The following LTN1 variants were observed in gnomAD, a reference collection of about 807,000 sequenced individuals.
LTN1 encodes the protein E3 ubiquitin-protein ligase listerin.
LTN1 carries 88 observed loss-of-function variants against 201.2 expected under a neutral mutation model. The observed-to-expected ratio is 0.44, with a 90% CI of 0.37 to 0.52. LTN1 has a LOEUF of 0.52. LTN1 is among the 20% of genes least tolerant of loss of function. LTN1 has a pLI of 0.00. For synonymous variants in LTN1, 645 were observed against 713.5 expected, an observed-to-expected ratio of 0.90 and a Z score of 1.53; for missense variants, 1,752 against 2,038.7, an observed-to-expected ratio of 0.86 and a Z score of 2.71.
intron 1 of LTN1, among the ~76,000 whole-genome samples, chr21:28,988,157 C>CA (rs1555848864): frequency 0.016 from 1,522 of 96,582 alleles, 66 homozygotes; most frequent in African/African-American, 0.049. Context: ...AAAAAAAAAA[C>CA]AACAAAAAAA....
chr21:28,964,538 G>A (rs1394216347), intron 11 of LTN1: 2 of 1,468,120 alleles, frequency 1.4e-6, no homozygotes, highest in Non-Finnish European at 1.8e-6. Flanking sequence ...AAATACTTGT[G>A]TAACTTGCTT....
intron 19 of LTN1, 70 bp downstream of exon 19, chr21:28,947,394 T>C (rs1399181598): frequency 1.6e-6 from 2 of 1,261,930 alleles, no homozygotes; most frequent in African/African-American, 3.1e-5. Context: ...TGTGGTCTTA[T>C]ATATTAGAAA....
At position 28,946,210 on chromosome 21, in the gene LTN1, T is replaced by C. The variant is rs775737035; in HGVS notation, c.3565A>G (p.Ile1189Val). The change falls in exon 20 of 30, where the codon ATA becomes GTA. Residue 1189 changes from isoleucine to valine, a missense_variant. Ile to Val is a conservative substitution (Grantham distance 29). Around this residue, in one of 3 missense-constraint regions of LTN1, gnomAD observed 1,211 missense variants for 1,312.8 expected, o/e 0.92. Transcript: ENST00000361371. ...TTCCAGGATATTATGATTTTTAATATTCCATGTAATAGCTCTCCATCATCT... is the reference window on the plus strand; with the variant it reads ...TTCCAGGATATTATGATTTTTAATACTCCATGTAATAGCTCTCCATCATCT... ...SIDDGELLHG[I>V]LKIIISWKKE... 1.0e-5 allele frequency: 16 copies of C among 1,590,910 alleles called. No homozygotes were observed. The highest frequency in any genetic ancestry group is 1.3e-5 in the Non-Finnish European group (15 of 1,169,316).
At chr21:28,946,102 T>C in intron 20 of LTN1, 50 bp downstream of exon 20, 1 of 1,507,910 alleles carries the variant, frequency 6.6e-7, no homozygotes, top group South Asian at 1.2e-5. Context: ...TACGTAATCT[T>C]TGTCTGAATT....
In LTN1 at chr21:28,956,938, C is replaced by T; in HGVS notation, c.2903G>A (p.Arg968Lys). Reference protein sequence around the residue: ...RQSLPMQWLHRPLLEGRLSLN... With the variant: ...RQSLPMQWLHKPLLEGRLSLN... ...ACTCAATCTTCCCTCTAAAAGAGGT[C>T]TATGTAACCACTGTGAAAAGAATAC... The change falls in exon 16 of 30, where the codon AGA becomes AAA. Residue 968 changes from arginine to lysine, a missense_variant. This residue lies in a region of LTN1 where 1,211 missense variants were observed against 1,312.8 expected (regional missense o/e 0.92). Transcript: ENST00000361371. 1 of 1,584,958 alleles carries T rather than the reference C, an allele frequency of 6.3e-7. No homozygotes were observed. Among genetic ancestry groups the T allele is most frequent in the Non-Finnish European group, 8.6e-7 (1 of 1,165,120 alleles).
Position 28,986,414 on chromosome 21 carries a change from G to A in LTN1, c.247-177C>T. 1 of 683,566 alleles carries A rather than the reference G, an allele frequency of 1.5e-6. No individual in the cohort carries two copies. The highest frequency in any genetic ancestry group is 2.6e-6 in the Non-Finnish European group (1 of 380,796). The allele number at this position is 683,566 out of a possible 1,614,324, so 42.3% of individuals were successfully genotyped here. A position where few individuals can be genotyped will look rare whatever the true frequency, so the allele number is the denominator to read the frequency against. On this transcript the variant is annotated intron_variant, in intron 2 of 29. Coordinates refer to ENST00000361371, the MANE Select transcript of LTN1 (RefSeq NM_015565.3). The surrounding 1 kb of genome is among the most constrained non-coding windows in gnomAD (Gnocchi z 4.1). ...AGGCTACTACGGTAGAAACTCTTCA[G>A]TTGTTTTTTTAAAAATAAAACATCT...
chr21:28,959,501 G>A lies in LTN1; in HGVS notation c.2550C>T (p.Leu850=). The A allele has an allele frequency of 6.2e-7, 1 of 1,613,956 alleles. No homozygotes were observed. The highest frequency in any genetic ancestry group is 1.1e-5 in the South Asian group (1 of 91,064). ...CTTTGCTCTGAGCACATAACTGAAA[G>A]AGAGTTAATAATAAATCTTCAGATG... ...MPSSEDLLLT[L]FQLCAQSKEK... Residue 850 remains leucine (L), a synonymous_variant, in exon 13 of 30, where the codon CTC becomes CTT. Transcript: ENST00000361371.
chr21:28,959,417 C>G lies in LTN1; in HGVS notation c.2593+41G>C, dbSNP rs572831938. The G allele has an allele frequency of 7.5e-6, 12 of 1,591,254 alleles. No individual in the cohort carries two copies. The African/African-American group carries it at 1.5e-4, about 20-fold the overall frequency. On this transcript the variant is annotated intron_variant, in intron 13 of 29. Transcript: ENST00000361371. ...CTTACACTCACTATGAAGGTCAGAG[C>G]CGGAGATTCCCAACAAAACATTTGA...
At chr21:28,938,495 A>G (rs1464163155) in intron 25 of LTN1, among the ~76,000 whole-genome samples, 1 of 152,190 alleles carries the variant, frequency 6.6e-6, no homozygotes, top group Non-Finnish European at 1.5e-5. Flanking sequence ...AAAGTTAGAG[A>G]TTTTTAAAAA....
chr21:28,974,176 TC>T (rs1230086348), intron 6 of LTN1, among the ~76,000 whole-genome samples: 1 of 152,012 alleles, frequency 6.6e-6, no homozygotes, highest in Non-Finnish European at 1.5e-5. Context: ...AGAAAAATGA[TC>T]AATTAAGCTT....
chr21:28,988,265 G>A (rs1052983142), intron 1 of LTN1, among the ~76,000 whole-genome samples: 3 of 151,584 alleles, frequency 2.0e-5, no homozygotes, highest in Admixed American at 2.0e-4. Context: ...CCTGAAGTTC[G>A]AAACCAGCCT....
intron 24 of LTN1, among the ~76,000 whole-genome samples, chr21:28,942,808 TA>T (rs1238575042): frequency 6.6e-6 from 1 of 152,056 alleles, no homozygotes; most frequent in Non-Finnish European, 1.5e-5. Context: ...AACTGACCTT[TA>T]AAAAAAAGTT....
intron 1 of LTN1, among the ~76,000 whole-genome samples, chr21:28,991,475 A>G (rs1486121622): frequency 3.3e-5 from 5 of 152,152 alleles, no homozygotes; most frequent in Non-Finnish European, 5.9e-5. Context: ...TGTATTTAGG[A>G]GTTAAGAGTC....
In LTN1 at chr21:28,929,792, C is replaced by G. The variant is rs918582784; in HGVS notation, c.*656G>C. The G allele has an allele frequency of 2.0e-5, 3 of 151,954 alleles. No homozygotes were observed. Among genetic ancestry groups the G allele is most frequent in the African/African-American group, 4.8e-5 (2 of 41,408 alleles). The allele number at this position is 151,954 out of a possible 1,614,324, so 9.4% of individuals were successfully genotyped here. A position where few individuals can be genotyped will look rare whatever the true frequency, so the allele number is the denominator to read the frequency against. ...TATATAGAAATAATTCTCCCACAAG[C>G]AAAAAGGTCAGCATCAAGAATTTAA... On this transcript the variant is annotated 3_prime_UTR_variant, in exon 30 of 30. Transcript: ENST00000361371.
intron 15 of LTN1, 119 bp downstream of exon 15, chr21:28,957,213 T>A: frequency 9.4e-7 from 1 of 1,058,996 alleles, no homozygotes; most frequent in East Asian, 2.6e-5. Flanking sequence ...TACAAAGACA[T>A]CAAAGCAAAG....
At chr21:28,950,183 A>G (rs748590040) in intron 18 of LTN1, among the ~76,000 whole-genome samples, 2 of 152,186 alleles carry the variant, frequency 1.3e-5, no homozygotes, top group Non-Finnish European at 2.9e-5. Context: ...AATCATTTTT[A>G]CAATTTATCT....
intron 24 of LTN1, among the ~76,000 whole-genome samples, chr21:28,942,532 C>T (rs1019018287): frequency 2.0e-5 from 3 of 152,156 alleles, no homozygotes; most frequent in African/African-American, 7.2e-5. Flanking sequence ...CCTGCCCTCA[C>T]AGAACTTACA....
chr21:28,950,105 A>G (rs549428284), intron 18 of LTN1, among the ~76,000 whole-genome samples: 48 of 152,284 alleles, frequency 3.2e-4, no homozygotes, highest in Non-Finnish European at 5.6e-4. Flanking sequence ...TGTTCAGAAC[A>G]GTTTACTAAG....
In LTN1 at chr21:28,931,066, G is replaced by GGTGTGTGTGTGTGTGTGTGTGT. The variant is rs10608923; in HGVS notation, c.5238+67_5238+88dup. 5.0e-5 allele frequency: 29 copies of GGTGTGTGTGTGTGTGTGTGTGT among 578,646 alleles called. No individual in the cohort carries two copies. In the South Asian group the frequency reaches 5.5e-4, roughly 11 times the overall value. 35.8% of individuals were successfully genotyped at this position (578,646 alleles called of 1,614,324 possible). A position where few individuals can be genotyped will look rare whatever the true frequency, so the allele number is the denominator to read the frequency against. On this transcript the variant is annotated intron_variant, in intron 29 of 29. Coordinates refer to ENST00000361371, the MANE Select transcript of LTN1 (RefSeq NM_015565.3). ...CTCTTCCGAAGTTAGACATTGTGTA[G>GGTGTGTGTGTGTGTGTGTGTGT]GTGTGTGTGTGTGTGTGTGTGTGTG...
Sources: allele counts gnomAD v4.1 joint callset (sites outside exome capture counted in the v4.1 genomes callset), GRCh38; gene constraint gnomAD v4.1.1; regional missense constraint gnomAD v4.1.1; non-coding constraint Gnocchi (gnomAD v3.1); transcripts MANE v1.5; gene names NCBI Gene and HGNC (gene_info 2026-07-23, HGNC 2026-07-21).